The following HPSE2 variants were observed in gnomAD, a reference collection of about 807,000 sequenced individuals.
The protein encoded by HPSE2 is inactive heparanase-2.
A neutral mutation model predicts 60.5 loss-of-function variants in HPSE2; 38 were observed. The ratio of observed to expected loss-of-function variants is 0.63; its 90% CI spans 0.48 to 0.82. HPSE2 has a LOEUF of 0.82. HPSE2 is among the 40% of genes least tolerant of loss of function. The pLI, the probability that HPSE2 is intolerant of heterozygous loss-of-function variation, is 0.00. For synonymous variants in HPSE2, 295 were observed against 293.2 expected (o/e 1.01, Z -0.06); for missense variants, 713 against 740.4 (o/e 0.96, Z 0.43).
intron 2 of HPSE2, among the ~76,000 whole-genome samples, chr10:99,145,409 T>C (rs1327892340): frequency 2.0e-5 from 3 of 150,970 alleles, no homozygotes; most frequent in African/African-American, 4.9e-5. Context: ...TGAGCCGAGA[T>C]TGCACCACTG....
At chr10:99,048,052 A>G in intron 3 of HPSE2, 1 of 694,948 alleles carries the variant, frequency 1.4e-6, no homozygotes, top group South Asian at 1.5e-5. Flanking sequence ...CTATAGAACC[A>G]TATATTGCAT....
the HPSE2 span, among the ~76,000 whole-genome samples, chr10:99,265,660 AAGAC>A: frequency 6.6e-6 from 1 of 152,218 alleles, no homozygotes; most frequent in African/African-American, 2.4e-5. Context: ...CCCACTCAGA[AAGAC>A]AGAGCAGTGT....
chr10:98,764,687 T>A (rs1019805137), intron 3 of HPSE2, among the ~76,000 whole-genome samples: 3 of 152,012 alleles, frequency 2.0e-5, no homozygotes, highest in South Asian at 4.2e-4. Flanking sequence ...AACCCTGTCT[T>A]CTACTAAAAA....
intron 8 of HPSE2, among the ~76,000 whole-genome samples, chr10:98,616,782 C>G (rs949707577): frequency 1.3e-5 from 2 of 152,028 alleles, no homozygotes; most frequent in Non-Finnish European, 2.9e-5. Flanking sequence ...CATTGTGACC[C>G]AGGGAATTGA....
At chr10:98,463,143 G>A (rs1940374705) in intron 11 of HPSE2, among the ~76,000 whole-genome samples, 1 of 151,982 alleles carries the variant, frequency 6.6e-6, no homozygotes, top group Admixed American at 6.6e-5. Flanking sequence ...TATCTTTTTA[G>A]TTCAGAACTT....
At chr10:99,012,783 A>G (rs950880454) in intron 3 of HPSE2, among the ~76,000 whole-genome samples, 1 of 152,216 alleles carries the variant, frequency 6.6e-6, no homozygotes, top group African/African-American at 2.4e-5. Flanking sequence ...TTATACTGAT[A>G]ATAAAGCTCT....
At chr10:98,996,620 T>C (rs1199404583) in intron 3 of HPSE2, among the ~76,000 whole-genome samples, 1 of 152,170 alleles carries the variant, frequency 6.6e-6, no homozygotes, top group Non-Finnish European at 1.5e-5. Context: ...AATTCAGACA[T>C]TCACCAAAAG....
intron 4 of HPSE2, among the ~76,000 whole-genome samples, chr10:98,722,265 A>C (rs1337716638): frequency 1.3e-5 from 2 of 150,140 alleles, no homozygotes; most frequent in Admixed American, 1.3e-4. Flanking sequence ...TTATAAGAGA[A>C]AGGAGAAGGA....
intron 3 of HPSE2, among the ~76,000 whole-genome samples, chr10:98,872,578 G>C (rs1037102472): frequency 6.6e-6 from 1 of 151,986 alleles, no homozygotes; most frequent in African/African-American, 2.4e-5. Flanking sequence ...TAAAATCTCA[G>C]GTCTGATATG....
chr10:98,608,894 C>G lies in HPSE2; in HGVS notation c.1320+6010G>C, dbSNP rs181865632. On this transcript the variant is annotated intron_variant, in intron 9 of 11. Coordinates refer to ENST00000370552, the MANE Select transcript of HPSE2 (RefSeq NM_021828.5). ...GTTTGGCTGGGTTTTGTGCCTCCCC[C>G]GCCCTACCACCTCCAGGTCTGTAGC... Among the ~76,000 whole-genome samples, 10 of 151,982 alleles carry G rather than the reference C, an allele frequency of 6.6e-5. No individual in the cohort carries two copies. In the South Asian group the frequency reaches 1.9e-3, roughly 28 times the overall value.
rs142641689 is a variant in HPSE2 at position 98,541,197 on chromosome 10, T to C, written c.1321-51001A>G. Among the ~76,000 whole-genome samples, 1,254 of 152,344 alleles carry C rather than the reference T, an allele frequency of 8.2e-3. 14 individuals are homozygous for C. The highest frequency in any genetic ancestry group is 0.029 in the African/African-American group (1,196 of 41,576). ...TTATACTGCAACTCTAGTGTTTCAT[T>C]GTTAAAATTAAATTTTTAAAAGGCG... On this transcript the variant is annotated intron_variant, in intron 9 of 11. Transcript: ENST00000370552.
rs144270633 is a variant in HPSE2, at chr10:99,006,391, AG to A, written c.610+137846del. 8.3e-4 allele frequency among the ~76,000 whole-genome samples: 126 copies of A among 152,272 alleles called. No individual in the cohort carries two copies. In the East Asian group the frequency reaches 0.023, roughly 28 times the overall value. On this transcript the variant is annotated intron_variant, in intron 3 of 11. Coordinates refer to ENST00000370552, the MANE Select transcript of HPSE2 (RefSeq NM_021828.5). ...CACCACAGGGACAAGTCTGGCACTGAGCAGGCCCAGAGCCTATATCCACAGG... is the reference window on the plus strand; with the variant it reads ...CACCACAGGGACAAGTCTGGCACTGACAGGCCCAGAGCCTATATCCACAGG...
At position 99,126,116 on chromosome 10, in the gene HPSE2, T is replaced by C. The variant is rs1270678670; in HGVS notation, c.610+18122A>G. On this transcript the variant is annotated intron_variant, in intron 3 of 11. Transcript: ENST00000370552. This position sits in a 1 kb window ranked among gnomAD's most constrained non-coding sequence, Gnocchi z 4.0. ...CTTACGACCTGGTGCAAGGTCTGAG[T>C]GAGGCACTGCAGGAACAAGACCAGC... 1.3e-5 allele frequency among the ~76,000 whole-genome samples: 2 copies of C among 152,032 alleles called. No individual in the cohort carries two copies. The highest frequency in any genetic ancestry group is 2.9e-5 in the Non-Finnish European group (2 of 67,998).
intron 11 of HPSE2, among the ~76,000 whole-genome samples, chr10:98,475,108 G>C (rs1940948714): frequency 6.7e-6 from 1 of 149,756 alleles, no homozygotes; most frequent in East Asian, 2.0e-4. Context: ...ACAGTTATGG[G>C]ACCACAATTC....
chr10:98,973,873 T>C (rs1256493238), intron 3 of HPSE2, among the ~76,000 whole-genome samples: 2 of 151,974 alleles, frequency 1.3e-5, no homozygotes, highest in South Asian at 4.1e-4. Flanking sequence ...GGGGGAGATA[T>C]AATTTATTTT....
chr10:98,587,045 G>A (rs931599323), intron 9 of HPSE2, among the ~76,000 whole-genome samples: 21 of 152,106 alleles, frequency 1.4e-4, no homozygotes, highest in African/African-American at 5.1e-4. Flanking sequence ...TTATAAGATG[G>A]CTAGCATATG....
At chr10:98,590,872 T>C (rs956665805) in intron 9 of HPSE2, among the ~76,000 whole-genome samples, 14 of 152,174 alleles carry the variant, frequency 9.2e-5, no homozygotes, top group African/African-American at 3.1e-4. Flanking sequence ...TTTCTCTACC[T>C]TTAAAAAATA....
At chr10:98,912,421 A>G (rs1363314602) in intron 3 of HPSE2, among the ~76,000 whole-genome samples, 1 of 152,178 alleles carries the variant, frequency 6.6e-6, no homozygotes, top group Admixed American at 6.5e-5. Context: ...CTGTCATATG[A>G]TCCAGCAATC....
chr10:99,150,784 C>T (rs181320734), intron 2 of HPSE2, among the ~76,000 whole-genome samples: 14 of 151,924 alleles, frequency 9.2e-5, no homozygotes, highest in African/African-American at 2.4e-4. Context: ...GGGGAGGCTA[C>T]GCACAAACAT....
Sources: allele counts gnomAD v4.1 joint callset (sites outside exome capture counted in the v4.1 genomes callset), GRCh38; gene constraint gnomAD v4.1.1; non-coding constraint Gnocchi (gnomAD v3.1); transcripts MANE v1.5; gene names NCBI Gene and HGNC (gene_info 2026-07-23, HGNC 2026-07-21).